Variants in PPP1R37 observed in about 807,000 individuals in gnomAD.
PPP1R37 encodes leucine rich repeat containing 68.
In PPP1R37, 21 loss-of-function variants were observed where a neutral mutation model predicts 61.0. The ratio of observed to expected loss-of-function variants is 0.34; its 90% CI spans 0.24 to 0.50. PPP1R37 has a LOEUF of 0.50. PPP1R37 is among the 20% of genes least tolerant of loss of function. The probability of loss-of-function intolerance (pLI) is 0.98; values close to 1 mark genes in which losing one functional copy is unlikely to be tolerated. For synonymous variants in PPP1R37, 443 were observed against 433.5 expected (o/e 1.02, Z -0.27); for missense variants, 910 against 952.7 (o/e 0.96, Z 0.59).
intron 1 of PPP1R37, among the ~76,000 whole-genome samples, chr19:45,127,134 G>C (rs1012205498): frequency 1.3e-5 from 2 of 152,108 alleles, no homozygotes; most frequent in South Asian, 2.1e-4. Flanking sequence ...CGGATCACCT[G>C]AGGTCAGGAG....
intron 7 of PPP1R37, 29 bp from the exon 8 acceptor site, chr19:45,143,492 A>G: frequency 7.1e-7 from 1 of 1,402,950 alleles, no homozygotes; most frequent in Non-Finnish European, 9.7e-7. Flanking sequence ...CGGACCCCAG[A>G]CAGGGCTCTG....
chr19:45,132,751 T>G (rs1968494180), intron 1 of PPP1R37, among the ~76,000 whole-genome samples: 1 of 152,108 alleles, frequency 6.6e-6, no homozygotes, highest in African/African-American at 2.4e-5. Context: ...TAGTTTTTTG[T>G]AGAGACAAGG....
intron 1 of PPP1R37, among the ~76,000 whole-genome samples, chr19:45,131,328 C>A (rs1448095458): frequency 6.6e-6 from 1 of 152,188 alleles, no homozygotes; most frequent in Non-Finnish European, 1.5e-5. Context: ...GAGCTCATGC[C>A]TTTCACCATC....
chr19:45,129,174 G>A (rs1599704934), intron 1 of PPP1R37: 2 of 352,350 alleles, frequency 5.7e-6, no homozygotes, highest in South Asian at 2.8e-5. Flanking sequence ...TCAATCTGTC[G>A]GGGAGCCCCT....
chr19:45,110,091 G>C (rs1226678295), intron 1 of PPP1R37, among the ~76,000 whole-genome samples: 2 of 151,768 alleles, frequency 1.3e-5, no homozygotes, highest in African/African-American at 4.8e-5. Flanking sequence ...ATAAATATTT[G>C]AAGGAATTAA....
At chr19:45,116,786 G>T (rs1166221630) in intron 1 of PPP1R37, among the ~76,000 whole-genome samples, 4 of 152,154 alleles carry the variant, frequency 2.6e-5, no homozygotes, top group Non-Finnish European at 5.9e-5. Context: ...AAACGAGCAA[G>T]TAGATCCTTA....
chr19:45,137,370 C>T (rs776217846), intron 1 of PPP1R37, among the ~76,000 whole-genome samples: 1 of 152,198 alleles, frequency 6.6e-6, no homozygotes, highest in African/African-American at 2.4e-5. Flanking sequence ...AGAAGCCAAC[C>T]GCAGAAGGCC....
intron 1 of PPP1R37, among the ~76,000 whole-genome samples, chr19:45,116,208 C>G (rs1183270735): frequency 6.6e-6 from 1 of 152,250 alleles, no homozygotes; most frequent in Non-Finnish European, 1.5e-5. Context: ...CTGACCGCAT[C>G]TGTTTCTGTA....
At chr19:45,135,242 T>A (rs1011625856) in intron 1 of PPP1R37, among the ~76,000 whole-genome samples, 5 of 151,596 alleles carry the variant, frequency 3.3e-5, no homozygotes, top group African/African-American at 1.2e-4. Context: ...AGTGAAACTC[T>A]GTCTCAAAAA....
chr19:45,142,085 G>A lies in PPP1R37; in HGVS notation c.592G>A (p.Ala198Thr), dbSNP rs1176988154. The A allele has an allele frequency of 6.5e-6, 10 of 1,527,362 alleles. No individual in the cohort carries two copies. The highest frequency in any genetic ancestry group is 7.9e-6 in the Non-Finnish European group (9 of 1,142,266). The allele number at this position is 1,527,362 out of a possible 1,614,324, so 94.6% of individuals were successfully genotyped here. ...RKTSCLQYLD[A>T]RNTPLLDHSA... ...GACGAGCTGCCTGCAGTATCTGGACGCCCGCAACACGCCCCTGCTGGACCA... is the reference window on the plus strand; with the variant it reads ...GACGAGCTGCCTGCAGTATCTGGACACCCGCAACACGCCCCTGCTGGACCA... Residue 198 changes from alanine (A) to threonine (T), a missense_variant, in exon 6 of 13, where the codon GCC (alanine) becomes ACC (threonine). Ala to Thr is a moderately conservative substitution (Grantham distance 58). Transcript: ENST00000221462.
At chr19:45,106,962 G>A (rs531447328) in intron 1 of PPP1R37, among the ~76,000 whole-genome samples, 43 of 150,798 alleles carry the variant, frequency 2.9e-4, no homozygotes, top group Non-Finnish European at 4.9e-4. Flanking sequence ...GACTACAGGC[G>A]CCCGCCACCA....
chr19:45,108,487 CG>C (rs1305853021), intron 1 of PPP1R37, among the ~76,000 whole-genome samples: 1 of 151,742 alleles, frequency 6.6e-6, no homozygotes, highest in East Asian at 1.9e-4. Flanking sequence ...GAATTGCAGG[CG>C]TGAGTCACTG....
At chr19:45,100,704 G>T (rs7255018) in intron 1 of PPP1R37, among the ~76,000 whole-genome samples, 32,283 of 152,122 alleles carry the variant, frequency 0.21, 4,219 homozygotes, top group Non-Finnish European at 0.29. Flanking sequence ...ACCCAGAATC[G>T]TTTATAAAAT....
Position 45,093,330 on chromosome 19 carries a change from A to T in PPP1R37, c.5A>T (p.Glu2Val). Reference sequence around the variant, plus strand: ...CGTGAGGAGGCGGCGGCGGCTATGGAGATCGCGCCGCAGGAGGCGCCGCCC... The same window carrying T: ...CGTGAGGAGGCGGCGGCGGCTATGGTGATCGCGCCGCAGGAGGCGCCGCCC... M[E>V]IAPQEAPPVP... Residue 2 changes from glutamate to valine, a missense_variant, in exon 1 of 13, where the codon GAG becomes GTG. Glu to Val is a moderately radical substitution (Grantham distance 121). Around this residue, in one of 3 missense-constraint regions of PPP1R37, gnomAD observed 81 missense variants for 65.4 expected, o/e 1.24. Transcript: ENST00000221462. 1 of 1,472,166 alleles carries T rather than the reference A, an allele frequency of 6.8e-7. No individual in the cohort carries two copies. Among genetic ancestry groups the T allele is most frequent in the Non-Finnish European group, 9.0e-7 (1 of 1,117,302 alleles). The allele number at this position is 1,472,166 out of a possible 1,614,324, so 91.2% of individuals were successfully genotyped here.
chr19:45,125,108 C>T (rs1208171159), intron 1 of PPP1R37, among the ~76,000 whole-genome samples: 2 of 152,184 alleles, frequency 1.3e-5, no homozygotes, highest in Non-Finnish European at 2.9e-5. Context: ...TCTTATGGGT[C>T]TGAAGGGTCC....
At chr19:45,120,207 C>T (rs1485206163) in intron 1 of PPP1R37, among the ~76,000 whole-genome samples, 5 of 151,950 alleles carry the variant, frequency 3.3e-5, no homozygotes, top group South Asian at 2.1e-4. Context: ...TTAGTAGAGA[C>T]AAGGTTTCAC....
intron 1 of PPP1R37, among the ~76,000 whole-genome samples, chr19:45,104,737 A>G (rs1455274159): frequency 6.6e-6 from 1 of 152,064 alleles, no homozygotes; most frequent in Non-Finnish European, 1.5e-5. Context: ...AAGCCCAGGT[A>G]TAACCTGGCT....
Position 45,124,501 on chromosome 19 carries a change from C to A in PPP1R37, c.203-14013C>A, listed in dbSNP as rs1180804021. 3.9e-5 allele frequency among the ~76,000 whole-genome samples: 6 copies of A among 152,306 alleles called. No homozygotes were observed. The East Asian group carries it at 5.8e-4, about 15-fold the overall frequency. ...GAAGGGCGGCCCCTGAGACCTGACT[C>A]TACCTGTCTGCCTGGCCTTTCCTCA... On this transcript the variant is annotated intron_variant, in intron 1 of 12. Transcript: ENST00000221462.
At chr19:45,105,424 T>C (rs762646525) in intron 1 of PPP1R37, among the ~76,000 whole-genome samples, 3 of 152,066 alleles carry the variant, frequency 2.0e-5, no homozygotes, top group Non-Finnish European at 4.4e-5. Flanking sequence ...TGCGCGTCAG[T>C]GTTTCCCATC....
Sources: allele counts gnomAD v4.1 joint callset (sites outside exome capture counted in the v4.1 genomes callset), GRCh38; gene constraint gnomAD v4.1.1; regional missense constraint gnomAD v4.1.1; transcripts MANE v1.5; gene names NCBI Gene and HGNC (gene_info 2026-07-23, HGNC 2026-07-21).